OXSR1: variants seen among roughly 807,000 people sequenced by gnomAD.
OXSR1 encodes the protein serine/threonine-protein kinase OSR1.
In OXSR1, 24 loss-of-function variants were observed where a neutral mutation model predicts 79.8. The ratio of observed to expected loss-of-function variants is 0.30; its 90% CI spans 0.22 to 0.42. The LOEUF (loss-of-function observed/expected upper bound fraction) is 0.42. Among genes scored for constraint, OXSR1 ranks in the 10% least tolerant of loss-of-function variants. The pLI, the probability that OXSR1 is intolerant of heterozygous loss-of-function variation, is 1.00. For synonymous variants in OXSR1, 226 were observed against 209.2 expected (o/e 1.08, Z -0.69); for missense variants, 430 against 618.4 (o/e 0.70, Z 3.23).
intron 14 of OXSR1, among the ~76,000 whole-genome samples, chr3:38,247,968 T>TGTGTGTG (rs1703178321): frequency 6.6e-6 from 1 of 152,122 alleles, no homozygotes; most frequent in Admixed American, 6.6e-5. Flanking sequence ...TCTGTGCTAA[T>TGTGTGTG]TGGTGATGAG....
At chr3:38,171,093 C>T (rs978735273) in intron 1 of OXSR1, among the ~76,000 whole-genome samples, 2 of 152,074 alleles carry the variant, frequency 1.3e-5, no homozygotes, top group African/African-American at 4.8e-5. Flanking sequence ...AGTATCTATC[C>T]TTAGAGTGAA....
upstream of OXSR1, among the ~76,000 whole-genome samples, chr3:38,164,278 T>C (rs1416600057): frequency 6.6e-6 from 1 of 152,186 alleles, no homozygotes; most frequent in South Asian, 2.1e-4. Context: ...CCCTAGTAGC[T>C]GGGATTACAG....
chr3:38,207,709 A>G (rs1702294239), intron 4 of OXSR1, among the ~76,000 whole-genome samples: 1 of 152,254 alleles, frequency 6.6e-6, no homozygotes, highest in African/African-American at 2.4e-5. Flanking sequence ...TAAGGGAACA[A>G]CTAGGAAGTT....
At chr3:38,218,511 A>G (rs1288143104) in intron 5 of OXSR1, among the ~76,000 whole-genome samples, 1 of 151,708 alleles carries the variant, frequency 6.6e-6, no homozygotes, top group African/African-American at 2.4e-5. Context: ...TTTAAATTGG[A>G]GTGTTTATTT....
intron 2 of OXSR1, among the ~76,000 whole-genome samples, chr3:38,190,144 A>G (rs947843891): frequency 1.3e-5 from 2 of 152,168 alleles, no homozygotes; most frequent in African/African-American, 4.8e-5. Flanking sequence ...CTGATCACAC[A>G]TGGCTTTATA....
chr3:38,184,325 T>C (rs1336847526), intron 2 of OXSR1, among the ~76,000 whole-genome samples: 1 of 152,154 alleles, frequency 6.6e-6, no homozygotes, highest in Non-Finnish European at 1.5e-5. Flanking sequence ...GCTGGAATGA[T>C]CTTGAGCCAT....
rs552152300 is a variant in OXSR1, at chr3:38,179,442, C to A, written c.71-3561C>A. 7.1e-3 allele frequency among the ~76,000 whole-genome samples: 1,076 copies of A among 152,266 alleles called. 18 individuals carry two copies. Among genetic ancestry groups the A allele is most frequent in the African/African-American group, 0.025 (1,032 of 41,544 alleles). On this transcript the variant is annotated intron_variant, in intron 1 of 17. Transcript: ENST00000311806. Reference sequence around the variant, plus strand: ...TTGGCCTCCCAAAGTGTTAGGACTACAGGCGTGAGTCATTATTTCTGGCCT... The same window carrying A: ...TTGGCCTCCCAAAGTGTTAGGACTAAAGGCGTGAGTCATTATTTCTGGCCT...
At chr3:38,251,336 G>A (rs1703251283) in intron 15 of OXSR1, 67 bp from the exon 16 acceptor site, 7 of 1,285,220 alleles carry the variant, frequency 5.4e-6, no homozygotes, top group Non-Finnish European at 7.9e-6. Flanking sequence ...ACACCCACAT[G>A]AGCTGTGAGA....
chr3:38,168,428 A>G lies in OXSR1; in HGVS notation c.70+2482A>G, dbSNP rs34072934. Among the ~76,000 whole-genome samples the G allele has an allele frequency of 7.5e-3, 1,144 of 152,296 alleles. 20 individuals are homozygous for G. Among genetic ancestry groups the G allele is most frequent in the African/African-American group, 0.026 (1,100 of 41,560 alleles). On this transcript the variant is annotated intron_variant, in intron 1 of 17. Coordinates refer to ENST00000311806, the MANE Select transcript of OXSR1 (RefSeq NM_005109.3). ...ATGGACTTGCCTTTTTTGGACATTT[A>G]TATAAATGGGATCATATAACATGTG...
At chr3:38,188,648 C>T (rs577403425) in intron 2 of OXSR1, among the ~76,000 whole-genome samples, 6 of 152,080 alleles carry the variant, frequency 3.9e-5, no homozygotes, top group South Asian at 2.1e-4. Flanking sequence ...GATATCTTTC[C>T]GTTGCTGTTA....
In OXSR1 at chr3:38,198,803, C is replaced by T. The variant is rs751527084; in HGVS notation, c.374C>T (p.Thr125Met). The T allele has an allele frequency of 3.1e-6, 5 of 1,612,958 alleles. No homozygotes were observed. The highest frequency in any genetic ancestry group is 3.4e-6 in the Non-Finnish European group (4 of 1,179,094). The change falls in exon 4 of 18, where the codon ACG becomes ATG. Residue 125 changes from threonine to methionine, a missense_variant. This residue lies in a region of OXSR1 where 145 missense variants were observed against 228.3 expected (regional missense o/e 0.64). Transcript: ENST00000311806. Reference protein sequence around the residue: ...SGVLDESTIATILREVLEGLE... With the variant: ...SGVLDESTIAMILREVLEGLE... ...GTCCTAGATGAATCTACCATTGCTA[C>T]GATACTCCGAGAAGTACTGGAAGGG... is the stretch of plus-strand genomic sequence containing the variant.
intron 10 of OXSR1, among the ~76,000 whole-genome samples, chr3:38,234,374 A>AAT: frequency 6.6e-6 from 1 of 152,328 alleles, no homozygotes; most frequent in Non-Finnish European, 1.5e-5. Context: ...TTGTATCTAG[A>AAT]ATATATAAAG....
chr3:38,166,480 A>T (rs1411226053), intron 1 of OXSR1, among the ~76,000 whole-genome samples: 6 of 152,048 alleles, frequency 3.9e-5, no homozygotes, highest in Non-Finnish European at 5.9e-5. Flanking sequence ...GGAGGTAGAC[A>T]TTAAATAAGA....
intron 1 of OXSR1, among the ~76,000 whole-genome samples, chr3:38,180,919 A>G (rs542230224): frequency 6.6e-6 from 1 of 152,038 alleles, no homozygotes; most frequent in Non-Finnish European, 1.5e-5. Context: ...TTATGATTAC[A>G]TTGGGCCCAC....
intron 4 of OXSR1, among the ~76,000 whole-genome samples, chr3:38,212,574 A>G (rs1182739435): frequency 6.6e-6 from 1 of 152,168 alleles, no homozygotes; most frequent in Non-Finnish European, 1.5e-5. Context: ...ACCTTTTTCA[A>G]GTTTTCCATA....
At chr3:38,200,491 TTGTC>T (rs1702145592) in intron 4 of OXSR1, among the ~76,000 whole-genome samples, 1 of 152,172 alleles carries the variant, frequency 6.6e-6, no homozygotes, top group African/African-American at 2.4e-5. Context: ...TCTTTTATGA[TTGTC>T]TGTTGGATTA....
intron 10 of OXSR1, among the ~76,000 whole-genome samples, chr3:38,231,335 T>TA (rs34846295): frequency 5.8e-4 from 84 of 146,058 alleles, no homozygotes; most frequent in Middle Eastern, 3.5e-3. Flanking sequence ...CTTGGGGACT[T>TA]AAAAAAAAAA....
intron 4 of OXSR1, among the ~76,000 whole-genome samples, chr3:38,210,928 G>T (rs1702373904): frequency 6.6e-6 from 1 of 152,128 alleles, no homozygotes; most frequent in Non-Finnish European, 1.5e-5. Flanking sequence ...ATCTCTTGAT[G>T]TCCTGTTTAT....
intron 4 of OXSR1, among the ~76,000 whole-genome samples, chr3:38,204,604 G>T (rs1302581732): frequency 1.3e-5 from 2 of 151,924 alleles, no homozygotes; most frequent in Non-Finnish European, 1.5e-5. Context: ...GTTCCCTTCT[G>T]GCCCAGGGTG....
Sources: gnomAD v4.1 joint callset for allele counts (sites outside exome capture counted in the v4.1 genomes callset) on GRCh38, gnomAD v4.1.1 for gene constraint, gnomAD v4.1.1 regional missense constraint, MANE v1.5 for transcripts, NCBI Gene and HGNC (gene_info 2026-07-23, HGNC 2026-07-21) for gene names.